CHODL: variants seen among roughly 807,000 people sequenced by gnomAD.
CHODL encodes the protein transmembrane protein MT75.
Under a neutral mutation model 34.5 loss-of-function variants are expected in CHODL, and 29 were observed. The ratio of observed to expected loss-of-function variants is 0.84; its 90% confidence interval spans 0.63 to 1.15. The LOEUF (loss-of-function observed/expected upper bound fraction) is 1.15. Ranked by LOEUF, CHODL falls within the 50% of genes most tolerant of loss-of-function variation. The pLI is 0.00. For synonymous variants in CHODL, 125 were observed against 116.1 expected (o/e 1.08, Z -0.49); for missense variants, 332 against 332.5 (o/e 1.00, Z 0.01).
Position 18,008,259 on chromosome 21 carries a change from G to A in CHODL, c.-144-19613G>A, listed in dbSNP as rs149363810. Reference sequence around the variant, plus strand: ...TATGTATGCGTATACCCATGATACCGTCATCACAACCAAGACACTAAACGT... The same window carrying A: ...TATGTATGCGTATACCCATGATACCATCATCACAACCAAGACACTAAACGT... On this transcript the variant is annotated intron_variant, in intron 1 of 6. Transcript: ENST00000400127. 2.7e-4 allele frequency among the ~76,000 whole-genome samples: 41 copies of A among 151,784 alleles called. No individual in the cohort carries two copies. In the East Asian group the frequency reaches 4.6e-3, roughly 17 times the overall value.
intron 1 of CHODL, among the ~76,000 whole-genome samples, chr21:17,947,811 CA>C (rs1478378551): frequency 2.0e-5 from 3 of 151,718 alleles, no homozygotes; most frequent in African/African-American, 7.3e-5. Context: ...GATATCTGTC[CA>C]AAGGAAAAAA....
chr21:18,225,258 T>C (rs2073920762), intron 2 of CHODL, among the ~76,000 whole-genome samples: 1 of 152,124 alleles, frequency 6.6e-6, no homozygotes, highest in Non-Finnish European at 1.5e-5. Flanking sequence ...TGAATAAAAC[T>C]TAGATTATCT....
chr21:18,232,227 A>G (rs2073986176), intron 2 of CHODL, among the ~76,000 whole-genome samples: 1 of 152,116 alleles, frequency 6.6e-6, no homozygotes, highest in South Asian at 2.1e-4. Flanking sequence ...TTATAAAATC[A>G]TCATTTTCGA....
chr21:17,964,913 T>A (rs759051671), intron 1 of CHODL, among the ~76,000 whole-genome samples: 22 of 152,220 alleles, frequency 1.4e-4, no homozygotes, highest in Non-Finnish European at 3.1e-4. Context: ...ATGTCCTGTT[T>A]AGTACTTTCC....
intron 2 of CHODL, among the ~76,000 whole-genome samples, chr21:18,115,615 T>C (rs1280131235): frequency 2.0e-5 from 3 of 152,242 alleles, no homozygotes; most frequent in African/African-American, 7.2e-5. Context: ...CCTTCTCCCA[T>C]AGTGCTGTTC....
At chr21:18,011,064 C>A (rs762143518) in intron 1 of CHODL, among the ~76,000 whole-genome samples, 2 of 152,054 alleles carry the variant, frequency 1.3e-5, no homozygotes, top group Admixed American at 6.6e-5. Context: ...TAAATGGTCC[C>A]GATTCCCTAT....
chr21:18,115,362 A>G (rs2065399813), intron 2 of CHODL, among the ~76,000 whole-genome samples: 1 of 152,184 alleles, frequency 6.6e-6, no homozygotes, highest in Non-Finnish European at 1.5e-5. Context: ...TGTGCAAAAT[A>G]ATCCTACTGC....
chr21:17,939,714 G>A (rs111412628), intron 1 of CHODL, among the ~76,000 whole-genome samples: 13 of 152,000 alleles, frequency 8.6e-5, no homozygotes, highest in African/African-American at 2.2e-4. Flanking sequence ...CACATTGTCC[G>A]TGAATAAAAT....
intron 2 of CHODL, among the ~76,000 whole-genome samples, chr21:18,235,834 C>T (rs1174157648): frequency 1.3e-5 from 2 of 152,060 alleles, no homozygotes; most frequent in Admixed American, 6.6e-5. Flanking sequence ...AATTGTATTC[C>T]TTTTTAATTC....
intron 2 of CHODL, among the ~76,000 whole-genome samples, chr21:18,070,031 C>A (rs1402634061): frequency 3.4e-5 from 2 of 58,322 alleles, no homozygotes; most frequent in South Asian, 5.3e-4. Context: ...TCCCTCCCCC[C>A]CCCCACCCAT....
At chr21:18,165,825 G>A (rs2073146681) in intron 2 of CHODL, among the ~76,000 whole-genome samples, 2 of 152,140 alleles carry the variant, frequency 1.3e-5, no homozygotes, top group Admixed American at 1.3e-4. Flanking sequence ...AATGACTCCT[G>A]TGGCCATTTT....
chr21:18,030,563 A>G (rs1014719124), intron 2 of CHODL, among the ~76,000 whole-genome samples: 17 of 152,282 alleles, frequency 1.1e-4, no homozygotes, highest in Admixed American at 9.2e-4. Flanking sequence ...ATAGAAATAC[A>G]TAAGTAATTA....
At chr21:17,952,194 CA>C (rs58511535) in intron 1 of CHODL, among the ~76,000 whole-genome samples, 2,865 of 80,246 alleles carry the variant, frequency 0.036, 58 homozygotes, top group African/African-American at 0.12. Flanking sequence ...TACTATGTCT[CA>C]AAAAAAAAAA....
chr21:18,008,418 G>C lies in CHODL; in HGVS notation c.-144-19454G>C, dbSNP rs569658578. Among the ~76,000 whole-genome samples the C allele has an allele frequency of 2.0e-4, 30 of 152,032 alleles. No homozygotes were observed. In the South Asian group the frequency reaches 2.3e-3, roughly 12 times the overall value. On this transcript the variant is annotated intron_variant, in intron 1 of 6. Coordinates refer to the CHODL transcript ENST00000400127. ...TGTTAATTGTGGGTACTATACAGTAGATCTCTAGAACTCGTTCATTTTGCA... is the reference window on the plus strand; with the variant it reads ...TGTTAATTGTGGGTACTATACAGTACATCTCTAGAACTCGTTCATTTTGCA...
chr21:18,156,577 A>G (rs1020299928), intron 2 of CHODL, among the ~76,000 whole-genome samples: 5 of 152,228 alleles, frequency 3.3e-5, no homozygotes, highest in African/African-American at 1.2e-4. Flanking sequence ...TTCTGGGTCA[A>G]TACGGTATCA....
At chr21:18,253,667 T>C (rs1230541350) in intron 1 of CHODL, among the ~76,000 whole-genome samples, 1 of 152,102 alleles carries the variant, frequency 6.6e-6, no homozygotes, top group African/African-American at 2.4e-5. Flanking sequence ...ATTTTCAGAG[T>C]CAACCATTGG....
chr21:18,102,032 A>T (rs2065221457), intron 2 of CHODL, among the ~76,000 whole-genome samples: 3 of 152,190 alleles, frequency 2.0e-5, no homozygotes, highest in Admixed American at 1.3e-4. Flanking sequence ...GATTAATGTT[A>T]TGTAATGTAG....
chr21:18,229,594 A>C (rs911176110), intron 2 of CHODL, among the ~76,000 whole-genome samples: 1 of 152,174 alleles, frequency 6.6e-6, no homozygotes, highest in African/African-American at 2.4e-5. Context: ...TAATCAAGCC[A>C]GTATCAATGG....
chr21:18,070,784 A>G (rs1330369683), intron 2 of CHODL, among the ~76,000 whole-genome samples: 1 of 151,872 alleles, frequency 6.6e-6, no homozygotes, highest in African/African-American at 2.4e-5. Context: ...ACTCCCCATA[A>G]CTTCAACTAC....
Sources: gnomAD v4.1 joint callset for allele counts (sites outside exome capture counted in the v4.1 genomes callset) on GRCh38, gnomAD v4.1.1 for gene constraint, MANE v1.5 for transcripts, NCBI Gene and HGNC (gene_info 2026-07-23, HGNC 2026-07-21) for gene names.